Variants in CNTNAP2 observed in about 807,000 individuals in gnomAD.
The protein encoded by CNTNAP2 is contactin associated protein 2.
CNTNAP2 carries 98 observed loss-of-function variants against 155.2 expected under a neutral mutation model. That is an observed-to-expected ratio of 0.63 (90% CI 0.54 to 0.75). The LOEUF is 0.75. Among genes scored for constraint, CNTNAP2 ranks in the 30% least tolerant of loss-of-function variants. CNTNAP2 has a pLI of 0.00. For missense variants in CNTNAP2, 1,727 were observed against 1,688.1 expected (o/e 1.02, Z -0.40); for synonymous variants, 651 against 631.2 (o/e 1.03, Z -0.47).
At chr7:148,132,749 C>T (rs541895127) in intron 16 of CNTNAP2, among the ~76,000 whole-genome samples, 1 of 152,338 alleles carries the variant, frequency 6.6e-6, no homozygotes, top group East Asian at 1.9e-4. Flanking sequence ...CACGGTCCTG[C>T]CTCTCCTTTT....
chr7:147,522,216 C>T (rs1044624442), intron 11 of CNTNAP2, among the ~76,000 whole-genome samples: 1 of 152,168 alleles, frequency 6.6e-6, no homozygotes, highest in African/African-American at 2.4e-5. Flanking sequence ...TTACCACCAG[C>T]TTAGGGGATT....
intron 21 of CNTNAP2, among the ~76,000 whole-genome samples, chr7:148,317,284 G>A (rs1375961265): frequency 6.6e-6 from 1 of 152,150 alleles, no homozygotes; most frequent in Non-Finnish European, 1.5e-5. Flanking sequence ...GAACCCAGGA[G>A]GCAGAGTTTG....
At chr7:147,337,289 T>G (rs1002176328) in intron 9 of CNTNAP2, among the ~76,000 whole-genome samples, 1 of 152,104 alleles carries the variant, frequency 6.6e-6, no homozygotes, top group Non-Finnish European at 1.5e-5. Flanking sequence ...TATTCTGTGT[T>G]GCACTGCAGC....
intron 13 of CNTNAP2, among the ~76,000 whole-genome samples, chr7:147,700,357 C>T (rs995656233): frequency 1.3e-5 from 2 of 152,164 alleles, no homozygotes; most frequent in Non-Finnish European, 2.9e-5. Context: ...GGGCTGTTCA[C>T]ATGGAGGCCC....
At chr7:146,985,774 T>C (rs543654176) in intron 3 of CNTNAP2, among the ~76,000 whole-genome samples, 102 of 152,300 alleles carry the variant, frequency 6.7e-4, no homozygotes, top group Non-Finnish European at 1.3e-3. Flanking sequence ...AAGAAGTTTC[T>C]ATTTTAAATA....
chr7:147,420,725 G>T (rs1797277305), intron 10 of CNTNAP2, among the ~76,000 whole-genome samples: 2 of 152,052 alleles, frequency 1.3e-5, no homozygotes, highest in South Asian at 2.1e-4. Context: ...ATTTTATATG[G>T]TGTAGGATTG....
At chr7:146,333,819 A>G (rs1801225111) in intron 1 of CNTNAP2, among the ~76,000 whole-genome samples, 1 of 152,196 alleles carries the variant, frequency 6.6e-6, no homozygotes, top group African/African-American at 2.4e-5. Context: ...AATCCTCATC[A>G]TTGGCTTCTA....
chr7:147,840,212 A>ATGT (rs1326954672), intron 13 of CNTNAP2, among the ~76,000 whole-genome samples: 2 of 152,112 alleles, frequency 1.3e-5, no homozygotes, highest in Non-Finnish European at 2.9e-5. Context: ...AATGGGTACA[A>ATGT]TGTACACTAT....
intron 21 of CNTNAP2, among the ~76,000 whole-genome samples, chr7:148,283,049 A>G (rs1452195559): frequency 1.3e-5 from 2 of 151,894 alleles, no homozygotes; most frequent in East Asian, 3.9e-4. Flanking sequence ...AGCCTGGCCA[A>G]CATGGTGAAA....
chr7:147,957,899 ACT>A (rs1224175005), intron 14 of CNTNAP2, among the ~76,000 whole-genome samples: 1 of 151,934 alleles, frequency 6.6e-6, no homozygotes, highest in Non-Finnish European at 1.5e-5. Context: ...ACATGAGGAG[ACT>A]CTGTCTCTAA....
chr7:146,405,317 C>G (rs1331791315), intron 1 of CNTNAP2, among the ~76,000 whole-genome samples: 1 of 152,168 alleles, frequency 6.6e-6, no homozygotes, highest in Non-Finnish European at 1.5e-5. Flanking sequence ...CTGAAAGAAT[C>G]CTTACATTAT....
chr7:146,903,581 T>C (rs1164379867), intron 3 of CNTNAP2, among the ~76,000 whole-genome samples: 1 of 152,192 alleles, frequency 6.6e-6, no homozygotes, highest in Non-Finnish European at 1.5e-5. Context: ...TTTTATCTTT[T>C]ATTACCACCC....
At chr7:146,940,751 C>CTA (rs199504169) in intron 3 of CNTNAP2, among the ~76,000 whole-genome samples, 2,621 of 150,532 alleles carry the variant, frequency 0.017, 25 homozygotes, top group Admixed American at 0.027. Flanking sequence ...ACACACTGCA[C>CTA]TATATATATA....
At chr7:147,231,356 T>C (rs573972678) in intron 8 of CNTNAP2, among the ~76,000 whole-genome samples, 25 of 152,380 alleles carry the variant, frequency 1.6e-4, no homozygotes, top group African/African-American at 5.5e-4. Flanking sequence ...TTGTTTCTAT[T>C]ACATATCTTG....
intron 16 of CNTNAP2, among the ~76,000 whole-genome samples, chr7:148,141,330 G>A (rs1223743533): frequency 1.3e-5 from 2 of 152,310 alleles, no homozygotes; most frequent in East Asian, 1.9e-4. Flanking sequence ...TGAAAATAAC[G>A]TTTAGCTACA....
rs1585119914 is a variant in CNTNAP2 at position 148,090,555 on chromosome 7, C to T, written c.2384-27563C>T. On this transcript the variant is annotated intron_variant, in intron 15 of 23. Transcript: ENST00000361727. ...TGCAAATTAAAACCATAAGATACCA[C>T]CTCAAACCTCTTAGAATGGCCATTA... Among the ~76,000 whole-genome samples the T allele has an allele frequency of 1.1e-4, 16 of 152,134 alleles. 1 individual carries two copies. In the South Asian group the frequency reaches 3.3e-3, roughly 32 times the overall value.
At chr7:147,006,606 T>C (rs1246433236) in intron 3 of CNTNAP2, among the ~76,000 whole-genome samples, 1 of 152,026 alleles carries the variant, frequency 6.6e-6, no homozygotes, top group Non-Finnish European at 1.5e-5. Context: ...ATTCCTCCTC[T>C]CCCACAAGAA....
At chr7:146,470,921 C>T (rs1359109463) in intron 1 of CNTNAP2, among the ~76,000 whole-genome samples, 3 of 151,958 alleles carry the variant, frequency 2.0e-5, no homozygotes, top group African/African-American at 7.3e-5. Context: ...CTAAGTAGCC[C>T]AGCCAGATAA....
At chr7:146,815,026 A>T (rs1390152956) in intron 2 of CNTNAP2, among the ~76,000 whole-genome samples, 1 of 152,146 alleles carries the variant, frequency 6.6e-6, no homozygotes. Context: ...CAGTTATCGA[A>T]CATGTACCTT....
Sources: allele counts gnomAD v4.1 joint callset (sites outside exome capture counted in the v4.1 genomes callset), GRCh38; gene constraint gnomAD v4.1.1; transcripts MANE v1.5; gene names NCBI Gene and HGNC (gene_info 2026-07-23, HGNC 2026-07-21).